The following CCDC178 variants were observed in gnomAD, a reference collection of about 807,000 sequenced individuals.
CCDC178 encodes the protein coiled-coil domain-containing protein 178.
A neutral mutation model predicts 117.4 loss-of-function variants in CCDC178; 126 were observed. The ratio of observed to expected loss-of-function variants is 1.07; its 90% CI spans 0.93 to 1.24. The LOEUF is 1.24. Ranked by LOEUF, CCDC178 falls within the 50% of genes most tolerant of loss-of-function variation. The probability of loss-of-function intolerance (pLI) is 0.00; values close to 1 mark genes in which losing one functional copy is unlikely to be tolerated. For synonymous variants in CCDC178, 283 were observed against 313.4 expected (o/e 0.90, Z 1.02); for missense variants, 1,030 against 986.9 (o/e 1.04, Z -0.59).
chr18:33,316,959 A>G (rs1306851980), intron 11 of CCDC178, among the ~76,000 whole-genome samples: 1 of 152,152 alleles, frequency 6.6e-6, no homozygotes, highest in Non-Finnish European at 1.5e-5. Flanking sequence ...AAACGCACCA[A>G]TCAGCACCCT....
At chr18:33,078,904 T>C (rs2057253359) in intron 21 of CCDC178, among the ~76,000 whole-genome samples, 1 of 152,184 alleles carries the variant, frequency 6.6e-6, no homozygotes, top group Non-Finnish European at 1.5e-5. Flanking sequence ...ACCAATATCA[T>C]TCTTCACAGA....
At chr18:33,160,741 G>C (rs774387509) in intron 20 of CCDC178, among the ~76,000 whole-genome samples, 9 of 152,080 alleles carry the variant, frequency 5.9e-5, no homozygotes, top group Non-Finnish European at 1.3e-4. Context: ...TGGTTTAAGT[G>C]TTTCTGTTTT....
At chr18:32,964,586 C>A (rs537033187) in intron 22 of CCDC178, among the ~76,000 whole-genome samples, 78 of 152,006 alleles carry the variant, frequency 5.1e-4, no homozygotes, top group African/African-American at 1.8e-3. Flanking sequence ...GTAGTCAGGG[C>A]ACATTACTGT....
At chr18:33,097,693 G>GT (rs2057563513) in intron 20 of CCDC178, among the ~76,000 whole-genome samples, 1 of 152,040 alleles carries the variant, frequency 6.6e-6, no homozygotes, top group Non-Finnish European at 1.5e-5. Context: ...TTCATAAAAT[G>GT]TAATGACATT....
chr18:33,096,353 TA>T (rs976202516), intron 20 of CCDC178, among the ~76,000 whole-genome samples: 3,619 of 113,860 alleles, frequency 0.032, 70 homozygotes, highest in Middle Eastern at 0.053. Flanking sequence ...ATATTTTATA[TA>T]AAAATATAAA....
intron 21 of CCDC178, among the ~76,000 whole-genome samples, chr18:33,053,718 G>C (rs1453555368): frequency 6.6e-6 from 1 of 152,110 alleles, no homozygotes; most frequent in Non-Finnish European, 1.5e-5. Flanking sequence ...TAAGTATACA[G>C]TCAAAGCAGT....
In CCDC178 at chr18:33,333,408, G is replaced by A; in HGVS notation, c.659-14C>T. On this transcript the variant is annotated splice_polypyrimidine_tract_variant and intron_variant, in intron 9 of 22. Transcript: ENST00000383096. Reference sequence around the variant, plus strand: ...AGGCCTCATGTTCTAGATATAGAAGGATAAGAACAAAAGAAAATCTGATTG... The same window carrying A: ...AGGCCTCATGTTCTAGATATAGAAGAATAAGAACAAAAGAAAATCTGATTG... 2 of 1,373,358 alleles carry A rather than the reference G, an allele frequency of 1.5e-6. No individual in the cohort carries two copies. The highest frequency in any genetic ancestry group is 2.0e-6 in the Non-Finnish European group (2 of 1,002,706). 85.1% of individuals were successfully genotyped at this position (1,373,358 alleles called of 1,614,324 possible). A position where few individuals can be genotyped will look rare whatever the true frequency, so the allele number is the denominator to read the frequency against.
In CCDC178 at chr18:33,222,006, C is replaced by T. The variant is rs574433032; in HGVS notation, c.1932+1100G>A. 3.4e-4 allele frequency among the ~76,000 whole-genome samples: 51 copies of T among 152,070 alleles called. No homozygotes were observed. The South Asian group carries it at 6.8e-3, about 20-fold the overall frequency. On this transcript the variant is annotated intron_variant, in intron 18 of 22. Coordinates refer to ENST00000383096, the MANE Select transcript of CCDC178 (RefSeq NM_001105528.4). ...TATTAATATAAAAATAATTAAATTA[C>T]ATTAGTGATTCTAAGTTCTCTAACT...
chr18:33,346,693 A>T (rs2062899147), intron 8 of CCDC178, among the ~76,000 whole-genome samples: 1 of 152,148 alleles, frequency 6.6e-6, no homozygotes, highest in Admixed American at 6.5e-5. Flanking sequence ...AGGAAAAAAC[A>T]CATGTGCTAT....
chr18:33,040,737 G>A (rs1452284674), intron 21 of CCDC178, among the ~76,000 whole-genome samples: 1 of 151,896 alleles, frequency 6.6e-6, no homozygotes, highest in African/African-American at 2.4e-5. Context: ...ATGAGTTGAG[G>A]AGTTATCCAG....
rs151026239 is a variant in CCDC178 at position 33,407,199 on chromosome 18, T to G, written c.58+4832A>C. Among the ~76,000 whole-genome samples, 197 of 152,312 alleles carry G rather than the reference T, an allele frequency of 1.3e-3. 1 individual carries two copies. Among genetic ancestry groups the G allele is most frequent in the African/African-American group, 4.4e-3 (184 of 41,592 alleles). ...CCCTGCTTCAACTGTACTTGAGAAT[T>G]TCCTATAGCCTTAAAATCGTTAGCA... is the stretch of plus-strand genomic sequence containing the variant. On this transcript the variant is annotated intron_variant, in intron 3 of 22. Coordinates refer to ENST00000383096, the MANE Select transcript of CCDC178 (RefSeq NM_001105528.4).
At chr18:33,147,540 G>A (rs1001392715) in intron 20 of CCDC178, among the ~76,000 whole-genome samples, 1 of 151,316 alleles carries the variant, frequency 6.6e-6, no homozygotes, top group Non-Finnish European at 1.5e-5. Flanking sequence ...TTGTGTCCCT[G>A]GGTACTTGAG....
At chr18:33,351,076 T>C (rs187487747) in intron 7 of CCDC178, among the ~76,000 whole-genome samples, 88 of 152,196 alleles carry the variant, frequency 5.8e-4, no homozygotes, top group Middle Eastern at 3.4e-3. Context: ...GGTGTGGGCT[T>C]GTGTCACATG....
rs142048800 is a variant in CCDC178, at chr18:33,160,366, C to T, written c.2238+51530G>A. ...CTTGACATATATGTCTTTTTAGCCA[C>T]GTTTTTGGTAAATAATCTGTGTGAT... On this transcript the variant is annotated intron_variant, in intron 20 of 22. Coordinates refer to ENST00000383096, the MANE Select transcript of CCDC178 (RefSeq NM_001105528.4). Among the ~76,000 whole-genome samples, 608 of 152,146 alleles carry T rather than the reference C, an allele frequency of 4.0e-3. 13 individuals are homozygous for T. The highest frequency in any genetic ancestry group is 0.035 in the Admixed American group (529 of 15,256).
chr18:33,106,017 A>T (rs1295107608), intron 20 of CCDC178, among the ~76,000 whole-genome samples: 1 of 151,758 alleles, frequency 6.6e-6, no homozygotes, highest in African/African-American at 2.4e-5. Flanking sequence ...CAGCATTTGA[A>T]TGACCTTATC....
chr18:33,391,380 C>T (rs936477752), intron 4 of CCDC178, among the ~76,000 whole-genome samples: 1 of 151,930 alleles, frequency 6.6e-6, no homozygotes, highest in Admixed American at 6.6e-5. Context: ...ATCTAAGTCA[C>T]CGTCATTCAT....
At chr18:33,017,445 C>T (rs1158947850) in intron 21 of CCDC178, among the ~76,000 whole-genome samples, 1 of 151,720 alleles carries the variant, frequency 6.6e-6, no homozygotes, top group African/African-American at 2.4e-5. Flanking sequence ...TAAAGAAGGC[C>T]TAGTAAATGG....
intron 5 of CCDC178, among the ~76,000 whole-genome samples, chr18:33,371,778 CATAT>C (rs1308918383): frequency 1.1e-5 from 1 of 93,190 alleles, no homozygotes; most frequent in Non-Finnish European, 2.2e-5. Flanking sequence ...AGTTCATAAA[CATAT>C]ATACACACAC....
intron 21 of CCDC178, among the ~76,000 whole-genome samples, chr18:33,005,018 A>G (rs2144781039): frequency 6.6e-6 from 1 of 152,260 alleles, no homozygotes; most frequent in East Asian, 1.9e-4. Flanking sequence ...TGTTGGTGGG[A>G]ATGTAAATTA....
Sources: gnomAD v4.1 joint callset for allele counts (sites outside exome capture counted in the v4.1 genomes callset) on GRCh38, gnomAD v4.1.1 for gene constraint, MANE v1.5 for transcripts, NCBI Gene and HGNC (gene_info 2026-07-23, HGNC 2026-07-21) for gene names.